The following FMN1 variants were observed in gnomAD, a reference collection of about 807,000 sequenced individuals.
FMN1 encodes formin 1.
A neutral mutation model predicts 132.4 loss-of-function variants in FMN1; 110 were observed. The observed-to-expected ratio is 0.83, with a 90% CI of 0.71 to 0.97. The LOEUF is 0.97. FMN1 is among the 50% of genes least tolerant of loss of function. The probability of loss-of-function intolerance (pLI) is 0.00; values close to 1 mark genes in which losing one functional copy is unlikely to be tolerated. For missense variants in FMN1, 1,792 were observed against 1,705.3 expected, an observed-to-expected ratio of 1.05 and a Z score of -0.90; for synonymous variants, 722 against 651.7, an observed-to-expected ratio of 1.11 and a Z score of -1.64.
At chr15:32,883,032 G>A (rs1198921930) in intron 16 of FMN1, among the ~76,000 whole-genome samples, 2 of 152,184 alleles carry the variant, frequency 1.3e-5, no homozygotes, top group Non-Finnish European at 2.9e-5. Context: ...CTGAAGAGCA[G>A]GGACAGAGGA....
At chr15:32,865,919 TA>T (rs2059382158) in intron 16 of FMN1, among the ~76,000 whole-genome samples, 2 of 152,024 alleles carry the variant, frequency 1.3e-5, no homozygotes, top group African/African-American at 4.8e-5. Flanking sequence ...GTAAAGCATT[TA>T]AATTAAAAGT....
intron 9 of FMN1, among the ~76,000 whole-genome samples, chr15:32,954,732 A>G (rs143501764): frequency 2.2e-4 from 33 of 152,264 alleles, no homozygotes; most frequent in East Asian, 1.5e-3. Context: ...AAGGCTGGGC[A>G]CGGAGGCTCA....
At chr15:32,942,630 C>T (rs2061424450) in intron 9 of FMN1, among the ~76,000 whole-genome samples, 1 of 152,182 alleles carries the variant, frequency 6.6e-6, no homozygotes. Context: ...TACATCTACA[C>T]CTTTGCTAGA....
chr15:32,869,929 A>G (rs1417847749), intron 16 of FMN1, among the ~76,000 whole-genome samples: 4 of 152,324 alleles, frequency 2.6e-5, no homozygotes, highest in East Asian at 3.9e-4. Flanking sequence ...GCCAGCTTGG[A>G]GAGGCGTGAG....
At chr15:32,859,866 T>C (rs2059223195) in intron 16 of FMN1, among the ~76,000 whole-genome samples, 2 of 152,134 alleles carry the variant, frequency 1.3e-5, no homozygotes, top group South Asian at 2.1e-4. Context: ...TGAGACCTTG[T>C]CTCTCAAAAA....
intron 6 of FMN1, among the ~76,000 whole-genome samples, chr15:33,054,118 A>C (rs1435227381): frequency 2.6e-5 from 4 of 152,146 alleles, no homozygotes; most frequent in Non-Finnish European, 5.9e-5. Flanking sequence ...CCTTACCAGG[A>C]GTCATCTCAT....
chr15:33,082,034 T>TGG (rs199983775), intron 5 of FMN1, among the ~76,000 whole-genome samples: 1,860 of 137,846 alleles, frequency 0.013, 36 homozygotes, highest in African/African-American at 0.047. Flanking sequence ...TGTGTGTGTG[T>TGG]GTGTGTGTGT....
At chr15:32,975,067 T>C (rs1324005966) in intron 7 of FMN1, among the ~76,000 whole-genome samples, 4 of 152,236 alleles carry the variant, frequency 2.6e-5, no homozygotes, top group South Asian at 2.1e-4. Flanking sequence ...ACACATGCTG[T>C]TTCATCTACT....
chr15:32,891,085 C>T (rs991182971), intron 15 of FMN1, among the ~76,000 whole-genome samples: 1 of 152,238 alleles, frequency 6.6e-6, no homozygotes, highest in South Asian at 2.1e-4. Context: ...CTGTTCTGTT[C>T]CATTGGTCTA....
At chr15:32,861,362 T>C (rs2059263904) in intron 16 of FMN1, among the ~76,000 whole-genome samples, 2 of 152,134 alleles carry the variant, frequency 1.3e-5, no homozygotes, top group Non-Finnish European at 2.9e-5. Flanking sequence ...GTGCTAGATG[T>C]GGTGACAGAG....
rs181699956 is a variant in FMN1, at chr15:33,124,116, G to A, written c.1867+28932C>T. ...ACCAGGTGACGTGAATTATCATTCAGTCCTGGGTTGAGGATCATCTCTAGA... is the reference window on the plus strand; with the variant it reads ...ACCAGGTGACGTGAATTATCATTCAATCCTGGGTTGAGGATCATCTCTAGA... On this transcript the variant is annotated intron_variant, in intron 4 of 20. Coordinates refer to ENST00000616417, the MANE Select transcript of FMN1 (RefSeq NM_001277313.2). Among the ~76,000 whole-genome samples the A allele has an allele frequency of 3.3e-5, 5 of 152,280 alleles. No individual in the cohort carries two copies. In the South Asian group the frequency reaches 6.2e-4, roughly 19 times the overall value.
intron 9 of FMN1, among the ~76,000 whole-genome samples, chr15:32,929,338 G>A (rs2061045124): frequency 2.0e-5 from 3 of 152,194 alleles, no homozygotes; most frequent in South Asian, 2.1e-4. Context: ...GGGACACAAT[G>A]CGCACAGAAT....
At chr15:33,122,560 A>G (rs1010379956) in intron 4 of FMN1, among the ~76,000 whole-genome samples, 4 of 152,242 alleles carry the variant, frequency 2.6e-5, no homozygotes, top group African/African-American at 9.7e-5. Flanking sequence ...AACCAGGCCA[A>G]TATTCTGACA....
At chr15:33,077,939 T>C (rs2038286462) in intron 5 of FMN1, among the ~76,000 whole-genome samples, 1 of 152,052 alleles carries the variant, frequency 6.6e-6, no homozygotes, top group Non-Finnish European at 1.5e-5. Context: ...CACAATGAGA[T>C]ACCATCTCAC....
intron 6 of FMN1, among the ~76,000 whole-genome samples, chr15:33,026,093 GCATA>G (rs1425026857): frequency 9.8e-6 from 1 of 101,684 alleles, no homozygotes; most frequent in East Asian, 2.3e-4. Flanking sequence ...TATTGCTTAG[GCATA>G]CACACACACA....
chr15:32,920,901 G>A (rs2060804308), intron 10 of FMN1, among the ~76,000 whole-genome samples: 1 of 152,098 alleles, frequency 6.6e-6, no homozygotes, highest in Non-Finnish European at 1.5e-5. Context: ...TTTATCATCT[G>A]AACAAACACA....
chr15:33,049,663 A>G (rs1464095052), intron 6 of FMN1, among the ~76,000 whole-genome samples: 8 of 152,246 alleles, frequency 5.3e-5, no homozygotes, highest in Non-Finnish European at 1.2e-4. Context: ...ATCGTGAACT[A>G]TAACAAGTGG....
At chr15:32,894,487 TAAA>T (rs374906354) in intron 15 of FMN1, among the ~76,000 whole-genome samples, 3 of 130,378 alleles carry the variant, frequency 2.3e-5, no homozygotes, top group Non-Finnish European at 1.7e-5. Context: ...CCATCTCAAT[TAAA>T]AAAAAAAAAA....
rs2056290930 is a variant in FMN1, at chr15:32,772,763, G to A, written c.*1547C>T. ...GTCTTCATTCTCGAAGCTGACATTA[G>A]ATTAGGATATGGTGCTGCTTTCATT... On this transcript the variant is annotated 3_prime_UTR_variant, in exon 21 of 21. Transcript: ENST00000616417. 6.6e-6 allele frequency: 1 copy of A among 152,242 alleles called. No homozygotes were observed. The highest frequency in any genetic ancestry group is 6.5e-5 in the Admixed American group (1 of 15,290). The allele number at this position is 152,242 out of a possible 1,614,324, so 9.4% of individuals were successfully genotyped here.
Sources: allele counts gnomAD v4.1 joint callset (sites outside exome capture counted in the v4.1 genomes callset), GRCh38; gene constraint gnomAD v4.1.1; transcripts MANE v1.5; gene names NCBI Gene and HGNC (gene_info 2026-07-23, HGNC 2026-07-21).